Variants in RIMBP2 observed in about 807,000 individuals in gnomAD.
RIMBP2 encodes RIMS-binding protein 2.
In RIMBP2, 48 loss-of-function variants were observed where a neutral mutation model predicts 118.6. The ratio of observed to expected loss-of-function variants is 0.40; its 90% CI spans 0.32 to 0.51. The LOEUF (loss-of-function observed/expected upper bound fraction) is 0.51. Among genes scored for constraint, RIMBP2 ranks in the 20% least tolerant of loss-of-function variants. The pLI, the probability that RIMBP2 is intolerant of heterozygous loss-of-function variation, is 0.41. For missense variants in RIMBP2, 1,551 were observed against 1,768.3 expected (o/e 0.88, Z 2.20); for synonymous variants, 762 against 742.9 (o/e 1.03, Z -0.42).
intron 10 of RIMBP2, among the ~76,000 whole-genome samples, chr12:130,444,306 G>A (rs1273491925): frequency 6.6e-6 from 1 of 152,110 alleles, no homozygotes; most frequent in South Asian, 2.1e-4. Context: ...CGACTGCTGG[G>A]CTCCTGCTCA....
chr12:130,611,914 A>G (rs2060579447), intron 2 of RIMBP2, among the ~76,000 whole-genome samples: 1 of 152,228 alleles, frequency 6.6e-6, no homozygotes, highest in Admixed American at 6.5e-5. Flanking sequence ...CTTTGCAAGT[A>G]GAAAGTTGGG....
In RIMBP2 at chr12:130,422,545, G is replaced by A. The variant is rs1332924599; in HGVS notation, c.3146C>T (p.Ala1049Val). ...AQGPLILGNP[A>V]SAGRVDHMGR... ...CATGTGATCCACCCGTCCTGCAGAG[G>A]CTGGGTTCCCTAAAATCTAAAGACA... is the stretch of plus-strand genomic sequence containing the variant. Residue 1049 changes from alanine (A) to valine (V), a missense_variant, in exon 17 of 23, where the codon GCC becomes GTC. By Grantham distance (64) the Ala-to-Val change is moderately conservative. Transcript: ENST00000690449. This position sits in a 1 kb window ranked among gnomAD's most constrained non-coding sequence, Gnocchi z 5.2. 1.2e-6 allele frequency: 2 copies of A among 1,608,738 alleles called. No homozygotes were observed. Among genetic ancestry groups the A allele is most frequent in the Non-Finnish European group, 1.7e-6 (2 of 1,177,446 alleles).
intron 4 of RIMBP2, among the ~76,000 whole-genome samples, chr12:130,504,263 T>G (rs1300930631): frequency 1.3e-5 from 2 of 152,210 alleles, no homozygotes; most frequent in Non-Finnish European, 2.9e-5. Context: ...GTCTTTGTTC[T>G]GTGCAGGCAA....
intron 2 of RIMBP2, among the ~76,000 whole-genome samples, chr12:130,615,272 C>CATATATATATATATATATAT (rs1555309104): frequency 2.5e-3 from 96 of 38,726 alleles, no homozygotes; most frequent in Non-Finnish European, 3.0e-3. Context: ...ACATAATACA[C>CATATATATATATATATATAT]ATACATATAT....
intron 7 of RIMBP2, among the ~76,000 whole-genome samples, 153 bp from the exon 8 acceptor site, chr12:130,451,493 T>C (rs1166815411): frequency 1.3e-5 from 2 of 152,256 alleles, no homozygotes; most frequent in Non-Finnish European, 2.9e-5. Context: ...TCGCCATCTA[T>C]GTAGGCTGGC....
chr12:130,664,626 G>C (rs186458416), intron 1 of RIMBP2, among the ~76,000 whole-genome samples: 3 of 151,564 alleles, frequency 2.0e-5, no homozygotes, highest in Middle Eastern at 3.4e-3. Flanking sequence ...TTCAGGAAGG[G>C]GCTAACTCTA....
chr12:130,407,459 C>T (rs1375936322), intron 20 of RIMBP2, among the ~76,000 whole-genome samples: 1 of 152,192 alleles, frequency 6.6e-6, no homozygotes, highest in Non-Finnish European at 1.5e-5. Context: ...ATGTGGATGA[C>T]AGATTGTTCT....
In RIMBP2 at chr12:130,558,016, T is replaced by A. The variant is rs1351070447; in HGVS notation, c.-216-40099A>T. 2.6e-5 allele frequency among the ~76,000 whole-genome samples: 4 copies of A among 152,144 alleles called. No individual in the cohort carries two copies. In the East Asian group the frequency reaches 5.8e-4, roughly 22 times the overall value. Reference sequence around the variant, plus strand: ...TTGCAGAAGGAAATAAACAAGCAAATAAGAGGAAATATGTGCTTAAGACAG... The same window carrying A: ...TTGCAGAAGGAAATAAACAAGCAAAAAAGAGGAAATATGTGCTTAAGACAG... On this transcript the variant is annotated intron_variant, in intron 2 of 22. Coordinates refer to ENST00000690449, the MANE Select transcript of RIMBP2 (RefSeq NM_001393629.1).
At chr12:130,439,868 GGT>G (rs72002735) in intron 11 of RIMBP2, among the ~76,000 whole-genome samples, 10,062 of 119,604 alleles carry the variant, frequency 0.084, 775 homozygotes, top group East Asian at 0.17. Flanking sequence ...GGTGTCTGTG[GGT>G]GTGTGTATGT....
Position 130,567,801 on chromosome 12 carries a change from C to T in RIMBP2, c.-216-49884G>A, listed in dbSNP as rs570688283. On this transcript the variant is annotated intron_variant, in intron 2 of 22. Coordinates refer to ENST00000690449, the MANE Select transcript of RIMBP2 (RefSeq NM_001393629.1). ...CTCCAGCCTTGCAGGGGGAGCCACT[C>T]GGCATCGCCTTTCTAGGTCTCTATT... Among the ~76,000 whole-genome samples, 9 of 152,306 alleles carry T rather than the reference C, an allele frequency of 5.9e-5. No individual in the cohort carries two copies. The East Asian group carries it at 1.5e-3, about 26-fold the overall frequency.
rs1045000388 is a variant in RIMBP2, at chr12:130,598,292, A to G, written c.-217+30030T>C. ...GTGGATCGGAAGAATCTATGTTGTT[A>G]AGAGGTCATTTTTTAATGAATTGAT... On this transcript the variant is annotated intron_variant, in intron 2 of 22. Transcript: ENST00000690449. Among the ~76,000 whole-genome samples the G allele has an allele frequency of 9.2e-5, 14 of 152,206 alleles. No homozygotes were observed. The South Asian group carries it at 1.7e-3, about 18-fold the overall frequency.
rs2061239388 is a variant in RIMBP2 at position 130,620,494 on chromosome 12, C to T, written c.-217+7828G>A. Among the ~76,000 whole-genome samples, 1 of 152,208 alleles carries T rather than the reference C, an allele frequency of 6.6e-6. No individual in the cohort carries two copies. ...CTCCAGCCGCCGTGACAAAGTACGA[C>T]AAGCCAGGAGGCTTGAAGAACAGGC... On this transcript the variant is annotated intron_variant, in intron 2 of 22. Transcript: ENST00000690449. The surrounding 1 kb of genome is among the most constrained non-coding windows in gnomAD (Gnocchi z 5.3).
chr12:130,605,497 G>A (rs368737829), intron 2 of RIMBP2, among the ~76,000 whole-genome samples: 9 of 152,162 alleles, frequency 5.9e-5, no homozygotes, highest in African/African-American at 1.9e-4. Flanking sequence ...GATGACCACC[G>A]TATGCTATTG....
chr12:130,706,170 C>T lies in RIMBP2; in HGVS notation c.-352+10052G>A, dbSNP rs191889976. On this transcript the variant is annotated intron_variant, in intron 1 of 22. Coordinates refer to ENST00000690449, the MANE Select transcript of RIMBP2 (RefSeq NM_001393629.1). Reference sequence around the variant, plus strand: ...TATTCCAGGCCCTGTTCTAAATGCTCTGTGCCATTGAAGTCATTTAATCAT... The same window carrying T: ...TATTCCAGGCCCTGTTCTAAATGCTTTGTGCCATTGAAGTCATTTAATCAT... Among the ~76,000 whole-genome samples, 131 of 152,362 alleles carry T rather than the reference C, an allele frequency of 8.6e-4. 1 individual carries two copies. The highest frequency in any genetic ancestry group is 2.9e-3 in the African/African-American group (120 of 41,596).
intron 4 of RIMBP2, among the ~76,000 whole-genome samples, chr12:130,496,574 A>C (rs1324468984): frequency 6.6e-6 from 1 of 152,008 alleles, no homozygotes; most frequent in Non-Finnish European, 1.5e-5. Flanking sequence ...TCCACGGGAG[A>C]CCAGCACACA....
At chr12:130,663,843 T>C (rs2063757631) in intron 1 of RIMBP2, among the ~76,000 whole-genome samples, 1 of 151,734 alleles carries the variant, frequency 6.6e-6, no homozygotes, top group African/African-American at 2.4e-5. Context: ...CAAATACATA[T>C]GCACAGGTTA....
intron 2 of RIMBP2, among the ~76,000 whole-genome samples, chr12:130,550,552 G>T (rs1566245845): frequency 6.6e-6 from 1 of 152,328 alleles, no homozygotes; most frequent in Non-Finnish European, 1.5e-5. Flanking sequence ...ACTGGGGTCA[G>T]CTGGGTAAAG....
At chr12:130,682,204 C>T (rs1311862121) in intron 1 of RIMBP2, among the ~76,000 whole-genome samples, 3 of 152,142 alleles carry the variant, frequency 2.0e-5, no homozygotes, top group African/African-American at 7.2e-5. Flanking sequence ...CCTCGTCCGC[C>T]CTCCCTTCCC....
At chr12:130,439,851 CTG>C (rs1201752839) in intron 11 of RIMBP2, among the ~76,000 whole-genome samples, 30 of 67,812 alleles carry the variant, frequency 4.4e-4, no homozygotes, top group African/African-American at 1.6e-3. Flanking sequence ...ATCTGTGAGT[CTG>C]TGGGGGTGTC....
Sources: allele counts gnomAD v4.1 joint callset (sites outside exome capture counted in the v4.1 genomes callset), GRCh38; gene constraint gnomAD v4.1.1; non-coding constraint Gnocchi (gnomAD v3.1); transcripts MANE v1.5; gene names NCBI Gene and HGNC (gene_info 2026-07-23, HGNC 2026-07-21).